Variants in TRAPPC12 observed in about 807,000 individuals in gnomAD.
TRAPPC12 encodes the protein trafficking protein particle complex subunit 12.
A neutral mutation model predicts 69.2 loss-of-function variants in TRAPPC12; 61 were observed. The observed-to-expected ratio is 0.88, with a 90% CI of 0.72 to 1.09. TRAPPC12 has a LOEUF of 1.09. Among genes scored for constraint, TRAPPC12 ranks in the 50% least tolerant of loss-of-function variants. TRAPPC12 has a pLI of 0.00. For missense variants in TRAPPC12, 1,101 were observed against 1,016.4 expected (o/e 1.08, Z -1.13); for synonymous variants, 469 against 438.9 (o/e 1.07, Z -0.86).
intron 1 of TRAPPC12, among the ~76,000 whole-genome samples, chr2:3,384,620 G>A (rs1286943227): frequency 2.6e-5 from 4 of 152,212 alleles, no homozygotes; most frequent in South Asian, 2.1e-4. Context: ...ACATTTCTGG[G>A]ATTACCTGAG....
chr2:3,457,546 A>G lies in TRAPPC12; in HGVS notation c.1531-75A>G, dbSNP rs377069191. Reference sequence around the variant, plus strand: ...TCATCCAGAGAAATTTGCTGTACTGAGATTATATTATAACAAAGTCTTAGA... The same window carrying G: ...TCATCCAGAGAAATTTGCTGTACTGGGATTATATTATAACAAAGTCTTAGA... On this transcript the variant is annotated intron_variant, in intron 6 of 11. Coordinates refer to ENST00000324266, the MANE Select transcript of TRAPPC12 (RefSeq NM_016030.6). The G allele has an allele frequency of 1.3e-4, 159 of 1,208,264 alleles. 1 individual carries two copies. The African/African-American group carries it at 2.1e-3, about 16-fold the overall frequency. The allele number at this position is 1,208,264 out of a possible 1,614,324, so 74.8% of individuals were successfully genotyped here. A position where few individuals can be genotyped will look rare whatever the true frequency, so the allele number is the denominator to read the frequency against.
intron 3 of TRAPPC12, among the ~76,000 whole-genome samples, chr2:3,418,038 C>CAAAAAA (rs1158063900): frequency 1.8e-3 from 128 of 69,726 alleles, no homozygotes; most frequent in African/African-American, 4.3e-3. Context: ...GACTCTGTCT[C>CAAAAAA]AAAAAAAAAA....
At position 3,460,262 on chromosome 2, in the gene TRAPPC12, G is replaced by A; in HGVS notation, c.1604-1G>A. 1 of 873,422 alleles carries A rather than the reference G, an allele frequency of 1.1e-6. No homozygotes were observed. The highest frequency in any genetic ancestry group is 1.3e-5 in the South Asian group (1 of 76,564). The allele number at this position is 873,422 out of a possible 1,614,324, so 54.1% of individuals were successfully genotyped here. ...ACTTACAGGCTGCTCTTACCTTGTA[G>A]CCTCTATCCGGCTGTGGAGGTCACG... is the stretch of plus-strand genomic sequence containing the variant. On this transcript the variant is annotated splice_acceptor_variant, in intron 7 of 11. Transcript: ENST00000324266. LOFTEE classifies it high-confidence loss of function.
At chr2:3,430,525 C>CT (rs1003883714) in intron 5 of TRAPPC12, among the ~76,000 whole-genome samples, 3 of 152,148 alleles carry the variant, frequency 2.0e-5, no homozygotes, top group African/African-American at 7.2e-5. Flanking sequence ...ATTGGGTTAT[C>CT]TTTGTTATTA....
At chr2:3,458,132 G>A (rs1338816874) in intron 7 of TRAPPC12, 9 of 1,020,700 alleles carry the variant, frequency 8.8e-6, no homozygotes, top group Non-Finnish European at 1.1e-5. Context: ...AAGGCCCAGA[G>A]CCTGGGGCAG....
chr2:3,447,673 G>A (rs192232414), intron 6 of TRAPPC12, among the ~76,000 whole-genome samples: 169 of 152,234 alleles, frequency 1.1e-3, no homozygotes, highest in African/African-American at 3.9e-3. Context: ...GGGGATGAAT[G>A]TCCAAACTAT....
intron 5 of TRAPPC12, among the ~76,000 whole-genome samples, chr2:3,425,725 G>A (rs946802995): frequency 9.9e-5 from 15 of 152,184 alleles, no homozygotes; most frequent in African/African-American, 3.4e-4. Flanking sequence ...CTAGTTGTCA[G>A]GAAATGCAGA....
chr2:3,407,663 G>A (rs1377816776), intron 3 of TRAPPC12, among the ~76,000 whole-genome samples: 8 of 151,992 alleles, frequency 5.3e-5, no homozygotes, highest in African/African-American at 1.2e-4. Context: ...TTAGCCGGGC[G>A]TGGTGGCGGG....
chr2:3,476,791 C>T (rs1476539935), intron 9 of TRAPPC12, among the ~76,000 whole-genome samples: 1 of 152,144 alleles, frequency 6.6e-6, no homozygotes, highest in Non-Finnish European at 1.5e-5. Context: ...GTGAGCCGCG[C>T]GCATTCAGCT....
At chr2:3,431,070 G>C (rs529115247) in intron 5 of TRAPPC12, among the ~76,000 whole-genome samples, 297 of 152,362 alleles carry the variant, frequency 1.9e-3, no homozygotes, top group Non-Finnish European at 3.2e-3. Flanking sequence ...CTGACTTGCA[G>C]CTCTTCACCT....
rs780290712 is a variant in TRAPPC12, at chr2:3,387,868, C to CGGGCGACCT, written c.250_258dup (p.Asp84_Gly86dup). The CGGGCGACCT allele has an allele frequency of 6.5e-5, 103 of 1,593,306 alleles. No individual in the cohort carries two copies. Among genetic ancestry groups the CGGGCGACCT allele is most frequent in the Non-Finnish European group, 8.5e-5 (99 of 1,166,528 alleles). On this transcript the variant is annotated inframe_insertion, in exon 2 of 12. Coordinates refer to ENST00000324266, the MANE Select transcript of TRAPPC12 (RefSeq NM_016030.6). ...GACTCCCCCAACAGCGAGGGCGACG[C>CGGGCGACCT]GGGCGACCTGGGCCGAGTGCGGGAC... is the stretch of plus-strand genomic sequence containing the variant.
chr2:3,439,751 A>G (rs560868099), intron 5 of TRAPPC12, among the ~76,000 whole-genome samples: 31 of 152,158 alleles, frequency 2.0e-4, no homozygotes, highest in Non-Finnish European at 4.1e-4. Flanking sequence ...TTGTATCTAA[A>G]AGATTATCAG....
intron 5 of TRAPPC12, among the ~76,000 whole-genome samples, chr2:3,435,698 C>G (rs1035142286): frequency 6.6e-6 from 1 of 152,148 alleles, no homozygotes. Context: ...GAAGTTCAGG[C>G]AGAATTTCAT....
intron 7 of TRAPPC12, 51 bp from the exon 8 acceptor site, chr2:3,460,212 G>C (rs1434680390): frequency 2.3e-6 from 2 of 871,414 alleles, no homozygotes; most frequent in Non-Finnish European, 4.0e-6. Flanking sequence ...TTGAGGGCTA[G>C]AAAGAGCCTC....
intron 3 of TRAPPC12, among the ~76,000 whole-genome samples, chr2:3,419,642 C>CAAA (rs35364043): frequency 0.03 from 3,391 of 111,194 alleles, 143 homozygotes; most frequent in African/African-American, 0.1. Context: ...TCCTCATTTC[C>CAAA]AAAAAAAAAA....
intron 9 of TRAPPC12, among the ~76,000 whole-genome samples, chr2:3,468,616 C>T (rs1291080829): frequency 6.6e-6 from 1 of 152,160 alleles, no homozygotes; most frequent in Non-Finnish European, 1.5e-5. Context: ...GTAAGGGCGG[C>T]ATTCCCAGGT....
At chr2:3,381,700 A>C (rs1309981021) in intron 1 of TRAPPC12, among the ~76,000 whole-genome samples, 2 of 152,248 alleles carry the variant, frequency 1.3e-5, no homozygotes, top group Non-Finnish European at 2.9e-5. Flanking sequence ...TTTAAAGATC[A>C]AGTCAACCCA....
Position 3,387,928 on chromosome 2 carries a change from C to G in TRAPPC12, c.305C>G (p.Pro102Arg). Residue 102 changes from proline (P) to arginine (R), a missense_variant, in exon 2 of 12, where the codon CCG becomes CGG. Pro to Arg is a moderately radical substitution (Grantham distance 103, BLOSUM62 -2). Transcript: ENST00000324266. ...AEPGGEGDPG[P>R]EPAGTPSPSG... Reference sequence around the variant, plus strand: ...CCCGGAGGGGAAGGCGACCCAGGCCCGGAGCCCGCGGGCACCCCGAGTCCC... The same window carrying G: ...CCCGGAGGGGAAGGCGACCCAGGCCGGGAGCCCGCGGGCACCCCGAGTCCC... 3 of 1,510,616 alleles carry G rather than the reference C, an allele frequency of 2.0e-6. No individual in the cohort carries two copies. The highest frequency in any genetic ancestry group is 2.7e-6 in the Non-Finnish European group (3 of 1,130,654). The allele number at this position is 1,510,616 out of a possible 1,614,324, so 93.6% of individuals were successfully genotyped here.
intron 3 of TRAPPC12, among the ~76,000 whole-genome samples, chr2:3,405,639 A>C (rs1280991181): frequency 6.6e-6 from 1 of 152,194 alleles, no homozygotes; most frequent in Non-Finnish European, 1.5e-5. Flanking sequence ...CAGCAATAAC[A>C]ATAAAGGTTG....
Sources: gnomAD v4.1 joint callset for allele counts (sites outside exome capture counted in the v4.1 genomes callset) on GRCh38, gnomAD v4.1.1 for gene constraint, MANE v1.5 for transcripts, NCBI Gene and HGNC (gene_info 2026-07-23, HGNC 2026-07-21) for gene names.